Variants in PTPN14 observed in about 807,000 individuals in gnomAD.
PTPN14 encodes protein tyrosine phosphatase non-receptor type 14, also known as tyrosine-protein phosphatase non-receptor type 14.
PTPN14 carries 53 observed loss-of-function variants against 126.8 expected under a neutral mutation model. That is an observed-to-expected ratio of 0.42 (90% CI 0.34 to 0.53). The LOEUF (loss-of-function observed/expected upper bound fraction) is 0.53, where lower values mean the gene tolerates loss of function less well. Among genes scored for constraint, PTPN14 ranks in the 20% least tolerant of loss-of-function variants. The probability of loss-of-function intolerance (pLI) is 0.08; values close to 1 mark genes in which losing one functional copy is unlikely to be tolerated. For missense variants in PTPN14, 1,257 were observed against 1,552.9 expected (o/e 0.81, Z 3.20); for synonymous variants, 630 against 599.3 (o/e 1.05, Z -0.75).
At chr1:214,504,506 C>T (rs139466875) in intron 1 of PTPN14, among the ~76,000 whole-genome samples, 6 of 152,192 alleles carry the variant, frequency 3.9e-5, no homozygotes, top group South Asian at 2.1e-4. Context: ...TCCAACTTGA[C>T]GCAAGCAAAT....
chr1:214,498,086 C>T (rs1654580707), intron 1 of PTPN14, among the ~76,000 whole-genome samples: 1 of 152,076 alleles, frequency 6.6e-6, no homozygotes, highest in Non-Finnish European at 1.5e-5. Context: ...AAAAATAATA[C>T]AAGTTATGCT....
chr1:214,413,756 C>A (rs1489604634), intron 4 of PTPN14, among the ~76,000 whole-genome samples: 1 of 152,136 alleles, frequency 6.6e-6, no homozygotes, highest in Non-Finnish European at 1.5e-5. Context: ...GTAACCTCCA[C>A]CTCCCACGTT....
rs572773936 is a variant in PTPN14, at chr1:214,350,266, G to A, written c.*7656C>T. 3.3e-5 allele frequency: 5 copies of A among 152,304 alleles called. No individual in the cohort carries two copies. The highest frequency in any genetic ancestry group is 1.2e-4 in the African/African-American group (5 of 41,554). 9.4% of individuals were successfully genotyped at this position (152,304 alleles called of 1,614,324 possible). ...GTCTGTGTAAAGAGGCTATAATGAC[G>A]AAAGCATTTTCCCTGCAGGGAGAAG... On this transcript the variant is annotated 3_prime_UTR_variant, in exon 19 of 19. Transcript: ENST00000366956.
chr1:214,403,716 G>T (rs536190332), intron 5 of PTPN14, among the ~76,000 whole-genome samples: 1 of 152,280 alleles, frequency 6.6e-6, no homozygotes, highest in South Asian at 2.1e-4. Flanking sequence ...ATGGTGAGAT[G>T]GAATCAAGAG....
chr1:214,490,843 AGGAAAGGAAG>A (rs1661214743), intron 1 of PTPN14, among the ~76,000 whole-genome samples: 1 of 43,414 alleles, frequency 2.3e-5, no homozygotes, highest in African/African-American at 1.2e-4. Context: ...GGGAAAGGAA[AGGAAAGGAAG>A]GGAAGGGAGG....
chr1:214,531,101 G>A (rs1278884069), intron 1 of PTPN14: 2 of 151,672 alleles, frequency 1.3e-5, no homozygotes, highest in African/African-American at 4.8e-5. Flanking sequence ...TCCATTACAG[G>A]AAAAAAAATC....
intron 17 of PTPN14, among the ~76,000 whole-genome samples, chr1:214,366,079 G>C (rs1278972672): frequency 6.6e-6 from 1 of 152,196 alleles, no homozygotes; most frequent in Non-Finnish European, 1.5e-5. Flanking sequence ...TCAGGAGGCT[G>C]AGACAGGAGA....
chr1:214,543,157 CTA>C (rs1427871418), intron 1 of PTPN14, among the ~76,000 whole-genome samples: 4 of 152,130 alleles, frequency 2.6e-5, no homozygotes, highest in African/African-American at 9.7e-5. Context: ...TTTCTCTTTT[CTA>C]TATGATACAA....
intron 14 of PTPN14, among the ~76,000 whole-genome samples, chr1:214,376,961 G>C (rs866179227): frequency 6.6e-6 from 1 of 152,150 alleles, no homozygotes; most frequent in South Asian, 2.1e-4. Flanking sequence ...GGCAGAAATC[G>C]AACACCCTGG....
chr1:214,448,391 G>C lies in PTPN14; in HGVS notation c.344+3414C>G, dbSNP rs543502620. Among the ~76,000 whole-genome samples, 4 of 124,834 alleles carry C rather than the reference G, an allele frequency of 3.2e-5. No homozygotes were observed. The East Asian group carries it at 9.9e-4, about 31-fold the overall frequency. The allele number at this position is 124,834 out of a possible 152,430, so 81.9% of individuals were successfully genotyped here. On this transcript the variant is annotated intron_variant, in intron 3 of 18. Transcript: ENST00000366956. ...GACTACAGGTGCCCCCAACCAAGCC[G>C]GGCTAATTTTTTTTTTTTTTTTTTG...
intron 13 of PTPN14, among the ~76,000 whole-genome samples, chr1:214,379,742 G>A (rs1167974720): frequency 1.3e-5 from 2 of 152,216 alleles, no homozygotes; most frequent in African/African-American, 4.8e-5. Flanking sequence ...TACCTGTGAC[G>A]TGGAAGCCCC....
At chr1:214,367,884 A>G (rs942231741) in intron 17 of PTPN14, among the ~76,000 whole-genome samples, 2 of 152,180 alleles carry the variant, frequency 1.3e-5, no homozygotes, top group African/African-American at 4.8e-5. Context: ...GCATTCTCAG[A>G]GCCCGATCCA....
In PTPN14 at chr1:214,402,769, A is replaced by G. The variant is rs1056925502; in HGVS notation, c.581+114T>C. Reference sequence around the variant, plus strand: ...AGAGCTGAGTCACGTGGTGGAATAAATACAAGTGTGTTGGCTCAAGCCCAG... The same window carrying G: ...AGAGCTGAGTCACGTGGTGGAATAAGTACAAGTGTGTTGGCTCAAGCCCAG... On this transcript the variant is annotated intron_variant, in intron 6 of 18. Coordinates refer to ENST00000366956, the MANE Select transcript of PTPN14 (RefSeq NM_005401.5). The G allele has an allele frequency of 3.6e-5, 43 of 1,190,094 alleles. No homozygotes were observed. The African/African-American group carries it at 6.1e-4, about 17-fold the overall frequency. The allele number at this position is 1,190,094 out of a possible 1,614,324, so 73.7% of individuals were successfully genotyped here.
intron 1 of PTPN14, among the ~76,000 whole-genome samples, chr1:214,538,512 G>A (rs58247568): frequency 0.15 from 22,683 of 152,230 alleles, 1,874 homozygotes; most frequent in Middle Eastern, 0.26. Context: ...GAAAACCGAT[G>A]AAGAGAATAC....
intron 1 of PTPN14, among the ~76,000 whole-genome samples, chr1:214,509,751 A>G (rs1203562095): frequency 6.6e-6 from 1 of 152,212 alleles, no homozygotes; most frequent in Non-Finnish European, 1.5e-5. Context: ...ATGTCCATCA[A>G]TGATAGACTG....
At position 214,364,446 on chromosome 1, in the gene PTPN14, G is replaced by T. The variant is rs1282845945; in HGVS notation, c.3435+66C>A. 7.7e-6 allele frequency: 12 copies of T among 1,549,174 alleles called. No individual in the cohort carries two copies. The highest frequency in any genetic ancestry group is 1.0e-5 in the Non-Finnish European group (12 of 1,142,974). ...CTGAAAATGCAAGGGTGCAGGCAAAGGTTTGGCCAGGGTGTAGACTTGTCC... is the reference window on the plus strand; with the variant it reads ...CTGAAAATGCAAGGGTGCAGGCAAATGTTTGGCCAGGGTGTAGACTTGTCC... On this transcript the variant is annotated intron_variant, in intron 18 of 18. Transcript: ENST00000366956. The surrounding 1 kb of genome is among the most constrained non-coding windows in gnomAD (Gnocchi z 4.1).
chr1:214,520,136 T>G (rs1571641971), intron 1 of PTPN14, among the ~76,000 whole-genome samples: 1 of 150,058 alleles, frequency 6.7e-6, no homozygotes, highest in East Asian at 2.0e-4. Context: ...GCCCATCATT[T>G]GGTAGAGATG....
At chr1:214,519,231 C>T (rs28565340) in intron 1 of PTPN14, among the ~76,000 whole-genome samples, 17,465 of 151,924 alleles carry the variant, frequency 0.11, 1,119 homozygotes, top group East Asian at 0.24. Context: ...ATCATGACAC[C>T]GCACTCCAGC....
At chr1:214,483,843 T>C (rs528932878) in intron 1 of PTPN14, among the ~76,000 whole-genome samples, 15 of 152,294 alleles carry the variant, frequency 9.8e-5, no homozygotes, top group African/African-American at 3.1e-4. Context: ...ATGAAACAAA[T>C]TACCTTTACC....
Sources: allele counts gnomAD v4.1 joint callset (sites outside exome capture counted in the v4.1 genomes callset), GRCh38; gene constraint gnomAD v4.1.1; non-coding constraint Gnocchi (gnomAD v3.1); transcripts MANE v1.5; gene names NCBI Gene and HGNC (gene_info 2026-07-23, HGNC 2026-07-21).